Variants in RABGAP1 observed in about 807,000 individuals in gnomAD.
The protein encoded by RABGAP1 is rab GTPase-activating protein 1.
RABGAP1 carries 23 observed loss-of-function variants against 137.6 expected under a neutral mutation model. The observed-to-expected ratio is 0.17, with a 90% CI of 0.12 to 0.24. The LOEUF (loss-of-function observed/expected upper bound fraction) is 0.24. Ranked by LOEUF, RABGAP1 falls within the 10% of genes least tolerant of loss-of-function variation. The probability of loss-of-function intolerance (pLI) is 1.00; values close to 1 mark genes in which losing one functional copy is unlikely to be tolerated. For missense variants in RABGAP1, 906 were observed against 1,275.8 expected, an observed-to-expected ratio of 0.71 and a Z score of 4.42; for synonymous variants, 451 against 450.7, an observed-to-expected ratio of 1.00 and a Z score of -0.01.
chr9:123,095,226 C>CAAAAA (rs55675466), intron 21 of RABGAP1, among the ~76,000 whole-genome samples: 2 of 61,252 alleles, frequency 3.3e-5, no homozygotes, highest in African/African-American at 5.8e-5. Context: ...AACCTTGTCC[C>CAAAAA]AAAAAAAAAA....
upstream of RABGAP1, chr9:122,938,275 A>G (rs757205778): frequency 6.6e-6 from 1 of 152,076 alleles, no homozygotes; most frequent in Non-Finnish European, 1.5e-5. Flanking sequence ...CCCCAAATCT[A>G]ATATTGTCAC....
At chr9:123,079,676 G>T (rs899927079) in intron 19 of RABGAP1, among the ~76,000 whole-genome samples, 1 of 152,052 alleles carries the variant, frequency 6.6e-6, no homozygotes, top group Non-Finnish European at 1.5e-5. Flanking sequence ...ATTCAGACAC[G>T]CTGGCCTCCT....
At chr9:123,038,810 GCTGTAAACGA>G (rs1410410225) in intron 13 of RABGAP1, among the ~76,000 whole-genome samples, 1 of 151,598 alleles carries the variant, frequency 6.6e-6, no homozygotes, top group East Asian at 1.9e-4. Flanking sequence ...ATTTCTTATG[GCTGTAAACGA>G]GTCATTTGGC....
intron 13 of RABGAP1, among the ~76,000 whole-genome samples, chr9:123,039,143 G>A (rs2032823460): frequency 6.6e-6 from 1 of 152,104 alleles, no homozygotes; most frequent in African/African-American, 2.4e-5. Flanking sequence ...ACATCATGAT[G>A]TGTTCCCCCA....
In RABGAP1 at chr9:122,995,095, G is replaced by A. The variant is rs565090651; in HGVS notation, c.924-946G>A. Among the ~76,000 whole-genome samples the A allele has an allele frequency of 3.3e-5, 5 of 152,038 alleles. No individual in the cohort carries two copies. The East Asian group carries it at 5.8e-4, about 18-fold the overall frequency. ...GATTGTGCCACTGTGCTGCAACCTG[G>A]GTGACAGATCAAGATCCTGCCTCAA... is the stretch of plus-strand genomic sequence containing the variant. On this transcript the variant is annotated intron_variant, in intron 6 of 25. Transcript: ENST00000373647.
In RABGAP1 at chr9:122,996,554, C is replaced by G. The variant is rs1421945121; in HGVS notation, c.1050C>G (p.Leu350=). The change falls in exon 8 of 26, where the codon CTC becomes CTG. Residue 350 remains leucine (L), a synonymous_variant. Coordinates refer to ENST00000373647, the MANE Select transcript of RABGAP1 (RefSeq NM_012197.4). ...ELAIERCFGL[L]LSPGKDVRNS... ...TTTTTTGTAGGTGTTTTGGTCTTCT[C>G]CTTAGTCCAGGAAAAGATGTACGAA... 1 of 1,608,254 alleles carries G rather than the reference C, an allele frequency of 6.2e-7. No individual in the cohort carries two copies. Among genetic ancestry groups the G allele is most frequent in the African/African-American group, 1.3e-5 (1 of 74,614 alleles).
At chr9:123,025,729 A>AT (rs1017756076) in intron 13 of RABGAP1, among the ~76,000 whole-genome samples, 2 of 151,072 alleles carry the variant, frequency 1.3e-5, no homozygotes, top group African/African-American at 4.8e-5. Flanking sequence ...TGATTTTTAC[A>AT]TTTTTTCTAT....
chr9:123,082,575 GA>G (rs1464831553), intron 19 of RABGAP1, among the ~76,000 whole-genome samples: 3 of 152,198 alleles, frequency 2.0e-5, no homozygotes, highest in Non-Finnish European at 4.4e-5. Flanking sequence ...GGCTAGTTTA[GA>G]AGACCCAAGA....
chr9:123,019,975 C>T (rs564077846), intron 12 of RABGAP1, among the ~76,000 whole-genome samples: 21 of 152,084 alleles, frequency 1.4e-4, no homozygotes, highest in South Asian at 8.3e-4. Flanking sequence ...TGAGCCACCG[C>T]GCCCGGCCAT....
At position 122,944,664 on chromosome 9, in the gene RABGAP1, G is replaced by A. The variant is rs377200272; in HGVS notation, c.-50+3571G>A. On this transcript the variant is annotated intron_variant, in intron 1 of 25. Transcript: ENST00000373647. ...CGGCTCACTGCAACCTCCGCCTTCC[G>A]GGTTTAAGAGGTTCTCCTGCCTCAG... Among the ~76,000 whole-genome samples the A allele has an allele frequency of 2.9e-3, 441 of 151,952 alleles. 6 individuals carry two copies. The highest frequency in any genetic ancestry group is 0.01 in the African/African-American group (423 of 41,454).
At chr9:122,998,337 G>A (rs546478905) in intron 9 of RABGAP1, among the ~76,000 whole-genome samples, 19 of 152,156 alleles carry the variant, frequency 1.2e-4, no homozygotes, top group Admixed American at 9.2e-4. Context: ...CAAGTGATCT[G>A]CCTGCCTTGG....
chr9:123,076,634 A>G lies in RABGAP1; in HGVS notation c.2296A>G (p.Thr766Ala), dbSNP rs1249615189. 1.9e-6 allele frequency: 3 copies of G among 1,588,274 alleles called. No homozygotes were observed. The highest frequency in any genetic ancestry group is 1.7e-4 in the Middle Eastern group (1 of 5,994). The change falls in exon 19 of 26, where the codon ACT (threonine) becomes GCT (alanine). Residue 766 changes from threonine (T) to alanine (A), a missense_variant and splice_region_variant. By Grantham distance (58) the Thr-to-Ala change is moderately conservative. Around this residue, in one of 9 missense-constraint regions of RABGAP1, gnomAD observed 77 missense variants for 105.6 expected, o/e 0.73. Coordinates refer to ENST00000373647, the MANE Select transcript of RABGAP1 (RefSeq NM_012197.4). ...TATATGTGTTTGTATTTTCTTCAAG[A>G]CTTCGAAAGATGACCTGCTGTTGAC... The part of the protein sequence containing the change: ...IFNVALGLLK[T>A]SKDDLLLTDF...
At chr9:122,942,675 A>AAAAAAAC (rs1833657646) in intron 1 of RABGAP1, among the ~76,000 whole-genome samples, 2 of 151,172 alleles carry the variant, frequency 1.3e-5, no homozygotes, top group South Asian at 4.2e-4. Flanking sequence ...GTCTCAAAAA[A>AAAAAAAC]AAAAAAAAAA....
chr9:123,058,605 G>C (rs760113210), intron 13 of RABGAP1, among the ~76,000 whole-genome samples: 3 of 152,006 alleles, frequency 2.0e-5, no homozygotes, highest in Non-Finnish European at 4.4e-5. Context: ...GTTATGTTTG[G>C]GAAAGAGATT....
intron 15 of RABGAP1, among the ~76,000 whole-genome samples, chr9:123,072,333 T>C (rs1020694624): frequency 1.3e-5 from 2 of 152,206 alleles, no homozygotes; most frequent in Admixed American, 6.5e-5. Context: ...TGTAAAAATA[T>C]GATAAAGCTA....
At chr9:122,991,743 C>T (rs1836734768) in intron 6 of RABGAP1, among the ~76,000 whole-genome samples, 2 of 151,940 alleles carry the variant, frequency 1.3e-5, no homozygotes, top group Non-Finnish European at 2.9e-5. Context: ...GCTGGGACCA[C>T]GGATGCATGC....
intron 13 of RABGAP1, among the ~76,000 whole-genome samples, chr9:123,050,008 C>T (rs2033386224): frequency 6.6e-6 from 1 of 152,180 alleles, no homozygotes; most frequent in South Asian, 2.1e-4. Context: ...GACAGAACAG[C>T]CTGGCCCTAG....
intron 13 of RABGAP1, among the ~76,000 whole-genome samples, chr9:123,055,827 A>G (rs1167320004): frequency 6.6e-6 from 1 of 152,208 alleles, no homozygotes; most frequent in Non-Finnish European, 1.5e-5. Flanking sequence ...CTGGGAGTAC[A>G]GGCGTGAGCC....
intron 13 of RABGAP1, chr9:123,034,318 T>C: frequency 1.9e-6 from 1 of 539,794 alleles, no homozygotes; most frequent in Non-Finnish European, 3.2e-6. Context: ...ATGGTGAACC[T>C]GGCACTATGG....
Sources: allele counts gnomAD v4.1 joint callset (sites outside exome capture counted in the v4.1 genomes callset), GRCh38; gene constraint gnomAD v4.1.1; regional missense constraint gnomAD v4.1.1; transcripts MANE v1.5; gene names NCBI Gene and HGNC (gene_info 2026-07-23, HGNC 2026-07-21).